DDX60L: variants seen among roughly 807,000 people sequenced by gnomAD.
DDX60L encodes the protein DExD/H-box 60 like, also known as probable ATP-dependent RNA helicase DDX60-like.
Under a neutral mutation model 211.6 loss-of-function variants are expected in DDX60L, and 191 were observed. The observed-to-expected ratio is 0.90, with a 90% CI of 0.80 to 1.02. DDX60L has a LOEUF of 1.02. Ranked by LOEUF, DDX60L falls within the 50% of genes least tolerant of loss-of-function variation. The probability of loss-of-function intolerance (pLI) is 0.00; values close to 1 mark genes in which losing one functional copy is unlikely to be tolerated. For synonymous variants in DDX60L, 706 were observed against 694.1 expected, an observed-to-expected ratio of 1.02 and a Z score of -0.27; for missense variants, 2,007 against 1,984.1, an observed-to-expected ratio of 1.01 and a Z score of -0.22.
intron 9 of DDX60L, among the ~76,000 whole-genome samples, chr4:168,445,665 C>G (rs1180322480): frequency 6.6e-6 from 1 of 151,766 alleles, no homozygotes; most frequent in African/African-American, 2.4e-5. Context: ...GCAGCACATC[C>G]AAAAGCTTAT....
chr4:168,456,152 C>A lies in DDX60L; in HGVS notation c.724G>T (p.Ala242Ser). 3 of 1,528,456 alleles carry A rather than the reference C, an allele frequency of 2.0e-6. No homozygotes were observed. Among genetic ancestry groups the A allele is most frequent in the Non-Finnish European group, 2.6e-6 (3 of 1,143,596 alleles). The allele number at this position is 1,528,456 out of a possible 1,614,324, so 94.7% of individuals were successfully genotyped here. A position where few individuals can be genotyped will look rare whatever the true frequency, so the allele number is the denominator to read the frequency against. Reference protein sequence around the residue: ...HLKWNDMMEEAYQTLFLLQHL... With the variant: ...HLKWNDMMEESYQTLFLLQHL... ...TGAAGCAGAAATAGAGTCTGATACG[C>A]CTATCAAAAAAGAAATTTCTTCAAA... The change falls in exon 7 of 38, where the codon GCG (alanine) becomes TCG (serine). Residue 242 changes from alanine to serine, a missense_variant and splice_region_variant. By Grantham distance (99) the Ala-to-Ser change is moderately conservative. Transcript: ENST00000682922.
Position 168,415,506 on chromosome 4 carries a change from C to T in DDX60L, c.2881G>A (p.Glu961Lys). 8 of 1,574,604 alleles carry T rather than the reference C, an allele frequency of 5.1e-6. No homozygotes were observed. The highest frequency in any genetic ancestry group is 7.0e-6 in the Non-Finnish European group (8 of 1,149,180). ...TGCTTCTCTAAATCATTGTATCTCT[C>T]TCCACAGAGCACTAGATACGAAGAG... Reference protein sequence around the residue: ...SYEVRLVLCGERYNDLEKHIC... With the variant: ...SYEVRLVLCGKRYNDLEKHIC... The change falls in exon 22 of 38, where the codon GAG becomes AAG. Residue 961 changes from glutamate (E) to lysine (K), a missense_variant. Coordinates refer to ENST00000682922, the MANE Select transcript of DDX60L (RefSeq NM_001012967.3).
chr4:168,379,644 T>A, intron 31 of DDX60L, 82 bp downstream of exon 31: 1 of 1,271,600 alleles, frequency 7.9e-7, no homozygotes, highest in Non-Finnish European at 1.1e-6. Flanking sequence ...ATGCAGATTA[T>A]AGAAATTTCA....
chr4:168,441,866 T>A (rs1753896614), intron 9 of DDX60L, among the ~76,000 whole-genome samples: 2 of 152,144 alleles, frequency 1.3e-5, no homozygotes, highest in Admixed American at 6.5e-5. Flanking sequence ...ATAGTCCTTA[T>A]TAAATAATGT....
intron 6 of DDX60L, among the ~76,000 whole-genome samples, chr4:168,457,082 G>A (rs1017099469): frequency 4.0e-5 from 6 of 151,814 alleles, no homozygotes; most frequent in African/African-American, 1.5e-4. Context: ...CAGGCATGGT[G>A]GCATATGCCT....
At chr4:168,412,839 C>A (rs886652958) in intron 22 of DDX60L, among the ~76,000 whole-genome samples, 2 of 152,200 alleles carry the variant, frequency 1.3e-5, no homozygotes, top group Non-Finnish European at 2.9e-5. Flanking sequence ...GAAAAAGATT[C>A]CATTTGTTTG....
intron 32 of DDX60L, 148 bp from the exon 33 acceptor site, chr4:168,378,623 T>A: frequency 3.4e-6 from 2 of 580,752 alleles, no homozygotes; most frequent in East Asian, 3.1e-5. Flanking sequence ...ATATTTGCAA[T>A]ACTATGTGCA....
intron 23 of DDX60L, 98 bp downstream of exon 23, chr4:168,406,504 A>G: frequency 2.5e-6 from 2 of 803,650 alleles, no homozygotes; most frequent in South Asian, 3.5e-5. Flanking sequence ...TCAACCAAGT[A>G]GAGAGAATAA....
At chr4:168,477,909 T>C (rs1221773804) in intron 1 of DDX60L, among the ~76,000 whole-genome samples, 1 of 152,106 alleles carries the variant, frequency 6.6e-6, no homozygotes, top group East Asian at 1.9e-4. Flanking sequence ...AAGAAGGAAC[T>C]GGGTGGTATG....
chr4:168,473,931 AAAGT>A (rs942582835), intron 1 of DDX60L, among the ~76,000 whole-genome samples: 2 of 152,208 alleles, frequency 1.3e-5, no homozygotes, highest in African/African-American at 4.8e-5. Flanking sequence ...ATTTATAGCC[AAAGT>A]AAGTACAGTC....
At chr4:168,415,069 T>C (rs1749310668) in intron 22 of DDX60L, among the ~76,000 whole-genome samples, 1 of 151,798 alleles carries the variant, frequency 6.6e-6, no homozygotes, top group South Asian at 2.1e-4. Flanking sequence ...GTTATTATGC[T>C]TGAGGTAATG....
At chr4:168,408,789 C>A (rs1748191540) in intron 22 of DDX60L, among the ~76,000 whole-genome samples, 1 of 152,170 alleles carries the variant, frequency 6.6e-6, no homozygotes, top group African/African-American at 2.4e-5. Flanking sequence ...GAAGGCTGTG[C>A]AGCTCTTCCC....
At chr4:168,385,247 A>C (rs540790353) in intron 29 of DDX60L, among the ~76,000 whole-genome samples, 2 of 152,260 alleles carry the variant, frequency 1.3e-5, no homozygotes, top group South Asian at 4.1e-4. Context: ...CTAATGGTTT[A>C]ATTCTTCAGG....
chr4:168,376,245 T>A (rs1412103937), intron 33 of DDX60L, among the ~76,000 whole-genome samples: 1 of 152,224 alleles, frequency 6.6e-6, no homozygotes, highest in Non-Finnish European at 1.5e-5. Flanking sequence ...AATTTATTCA[T>A]AACCTGTACT....
intron 1 of DDX60L, among the ~76,000 whole-genome samples, chr4:168,479,100 G>C (rs1423133337): frequency 6.6e-6 from 1 of 150,994 alleles, no homozygotes; most frequent in African/African-American, 2.5e-5. Context: ...TCGATGGATG[G>C]ACGGATGGTT....
At chr4:168,457,869 TA>T in intron 6 of DDX60L, 22 bp downstream of exon 6, 1 of 1,417,650 alleles carries the variant, frequency 7.1e-7, no homozygotes, top group Non-Finnish European at 9.6e-7. Context: ...AACTTTTATT[TA>T]AAGAAATAAA....
At chr4:168,415,893 A>G in intron 20 of DDX60L, 94 bp from the exon 21 acceptor site, 1 of 1,185,186 alleles carries the variant, frequency 8.4e-7, no homozygotes, top group Non-Finnish European at 1.1e-6. Flanking sequence ...CACAAGTTTA[A>G]AAATTTAGAG....
chr4:168,414,963 G>A (rs57077414), intron 22 of DDX60L, among the ~76,000 whole-genome samples: 29,909 of 150,874 alleles, frequency 0.2, 3,086 homozygotes, highest in East Asian at 0.28. Context: ...AGGGATTATA[G>A]CTAACAGTAA....
Position 168,417,171 on chromosome 4 carries a change from A to C in DDX60L, c.2611-374T>G, listed in dbSNP as rs138020491. Among the ~76,000 whole-genome samples, 787 of 152,228 alleles carry C rather than the reference A, an allele frequency of 5.2e-3. 8 individuals carry two copies. The highest frequency in any genetic ancestry group is 0.018 in the African/African-American group (735 of 41,534). On this transcript the variant is annotated intron_variant, in intron 19 of 37. Transcript: ENST00000682922. Reference sequence around the variant, plus strand: ...ATAGCCCTAATGGTATTATTAAACAAAAATCAAATTAGGCTACATACCTAA... The same window carrying C: ...ATAGCCCTAATGGTATTATTAAACACAAATCAAATTAGGCTACATACCTAA...
Sources: allele counts gnomAD v4.1 joint callset (sites outside exome capture counted in the v4.1 genomes callset), GRCh38; gene constraint gnomAD v4.1.1; transcripts MANE v1.5; gene names NCBI Gene and HGNC (gene_info 2026-07-23, HGNC 2026-07-21).